MROH1: variants seen among roughly 807,000 people sequenced by gnomAD.
MROH1 encodes the protein maestro heat-like repeat-containing protein family member 1.
In MROH1, 117 loss-of-function variants were observed where a neutral mutation model predicts 116.5. The observed-to-expected ratio is 1.00, with a 90% confidence interval of 0.86 to 1.17. MROH1 has a LOEUF of 1.17. MROH1 is among the 50% of genes most tolerant of loss of function. The pLI, the probability that MROH1 is intolerant of heterozygous loss-of-function variation, is 0.00. For missense variants in MROH1, 1,873 were observed against 1,338.5 expected (o/e 1.40, Z -6.23); for synonymous variants, 921 against 583.9 (o/e 1.58, Z -8.32).
chr8:144,202,015 CT>C (rs1258927686), intron 12 of MROH1, among the ~76,000 whole-genome samples: 3 of 130,846 alleles, frequency 2.3e-5, no homozygotes, highest in Non-Finnish European at 4.7e-5. Flanking sequence ...GAGACTCCGT[CT>C]CCAAAAAAAA....
At chr8:144,204,693 A>T (rs1832448783) in intron 12 of MROH1, among the ~76,000 whole-genome samples, 1 of 152,190 alleles carries the variant, frequency 6.6e-6, no homozygotes, top group Non-Finnish European at 1.5e-5. Context: ...TTTCCTCAGT[A>T]TTCTCTTGGT....
chr8:144,157,964 A>G (rs1818565365), intron 1 of MROH1, among the ~76,000 whole-genome samples: 1 of 144,998 alleles, frequency 6.9e-6, no homozygotes, highest in Non-Finnish European at 1.5e-5. Flanking sequence ...GGCATGAGCC[A>G]CTGCGCCTGG....
intron 43 of MROH1, 81 bp downstream of exon 43, chr8:144,261,430 A>G (rs1554835837): frequency 2.9e-6 from 2 of 699,890 alleles, no homozygotes; most frequent in Non-Finnish European, 2.6e-6. Flanking sequence ...ATTTTCCTGG[A>G]TTTCAGGACT....
At chr8:144,211,084 G>A (rs1454488794) in intron 12 of MROH1, among the ~76,000 whole-genome samples, 1 of 152,116 alleles carries the variant, frequency 6.6e-6, no homozygotes, top group East Asian at 1.9e-4. Flanking sequence ...TTTATTCTGT[G>A]GATTTGCTCA....
At chr8:144,259,106 C>T (rs971300141) in intron 36 of MROH1, 134 bp from the exon 37 acceptor site, 7 of 683,042 alleles carry the variant, frequency 1.0e-5, no homozygotes, top group Non-Finnish European at 1.9e-5. Flanking sequence ...AGCTGGGAGG[C>T]ATCTCTGAAA....
In MROH1 at chr8:144,245,202, G is replaced by A. The variant is rs1035479529; in HGVS notation, c.2813G>A (p.Arg938Gln). ...IKSPRGHERARALGLSALLLR... is the reference protein window; with the variant it reads ...IKSPRGHERAQALGLSALLLR... ...TCCCCAAGAGGTCACGAGCGGGCGC[G>A]GGCCCTGGGCCTGAGCGCCCTCCTG... Residue 938 changes from arginine to glutamine, a missense_variant, in exon 29 of 44, where the codon CGG (arginine) becomes CAG (glutamine). Transcript: ENST00000326134. 27 of 779,084 alleles carry A rather than the reference G, an allele frequency of 3.5e-5. No individual in the cohort carries two copies. Among genetic ancestry groups the A allele is most frequent in the African/African-American group, 1.0e-4 (6 of 59,112 alleles). 48.3% of individuals were successfully genotyped at this position (779,084 alleles called of 1,614,324 possible).
chr8:144,171,061 T>C (rs1444853211), intron 4 of MROH1, among the ~76,000 whole-genome samples: 1 of 152,182 alleles, frequency 6.6e-6, no homozygotes, highest in Non-Finnish European at 1.5e-5. Context: ...AGCAGTCAGT[T>C]GTGCAGTGGA....
rs1826025807 is a variant in MROH1 at position 144,182,887 on chromosome 8, G to A, written c.562+2364G>A. Among the ~76,000 whole-genome samples the A allele has an allele frequency of 6.6e-6, 1 of 152,164 alleles. No homozygotes were observed. Among genetic ancestry groups the A allele is most frequent in the Admixed American group, 6.5e-5 (1 of 15,268 alleles). On this transcript the variant is annotated intron_variant, in intron 7 of 43. Transcript: ENST00000326134. This position sits in a 1 kb window ranked among gnomAD's most constrained non-coding sequence, Gnocchi z 4.1. ...AGGTCAGGAGTTCAAGACCAGTCTG[G>A]CCAACATGGCAAAACCCCGTCTCTA... is the stretch of plus-strand genomic sequence containing the variant.
chr8:144,242,333 G>A, intron 22 of MROH1, 36 bp from the exon 23 acceptor site: 1 of 780,546 alleles, frequency 1.3e-6, no homozygotes. Context: ...GTGTAATTGT[G>A]TAACTGAAGT....
Position 144,168,266 on chromosome 8 carries a change from A to G in MROH1, c.23-29A>G, listed in dbSNP as rs374504199. 189 of 1,562,006 alleles carry G rather than the reference A, an allele frequency of 1.2e-4. 1 individual carries two copies. The African/African-American group carries it at 1.8e-3, about 15-fold the overall frequency. On this transcript the variant is annotated intron_variant, in intron 3 of 43. Coordinates refer to ENST00000326134, the MANE Select transcript of MROH1 (RefSeq NM_032450.3). ...TGATAGGAGAGGGCGCTTGGGCCTG[A>G]GCATGCTAACCAGGCTTTGTCGCTG... is the stretch of plus-strand genomic sequence containing the variant.
Position 144,180,140 on chromosome 8 carries a change from C to A in MROH1, c.301-38C>A. Reference sequence around the variant, plus strand: ...GCGACTGAGGGCAGAATGTCTTGGTCTTGCCTTTTGGTCTACCTGCCGGTG... The same window carrying A: ...GCGACTGAGGGCAGAATGTCTTGGTATTGCCTTTTGGTCTACCTGCCGGTG... On this transcript the variant is annotated intron_variant, in intron 5 of 43. Coordinates refer to ENST00000326134, the MANE Select transcript of MROH1 (RefSeq NM_032450.3). This position sits in a 1 kb window ranked among gnomAD's most constrained non-coding sequence, Gnocchi z 7.4. The A allele has an allele frequency of 6.2e-7, 1 of 1,611,816 alleles. No individual in the cohort carries two copies. Among genetic ancestry groups the A allele is most frequent in the South Asian group, 1.1e-5 (1 of 90,908 alleles).
intron 24 of MROH1, among the ~76,000 whole-genome samples, chr8:144,243,242 T>TG (rs1332706867): frequency 6.6e-6 from 1 of 152,190 alleles, no homozygotes; most frequent in Non-Finnish European, 1.5e-5. Flanking sequence ...TCTCCTGCTG[T>TG]GGGGGGCCCT....
At chr8:144,226,461 CT>C (rs1263121045) in intron 14 of MROH1, among the ~76,000 whole-genome samples, 2 of 150,952 alleles carry the variant, frequency 1.3e-5, no homozygotes, top group Non-Finnish European at 2.9e-5. Context: ...TTACGTTGTT[CT>C]TTTTTTTTGA....
intron 12 of MROH1, chr8:144,200,789 G>A (rs923909152): frequency 1.4e-5 from 7 of 490,196 alleles, no homozygotes; most frequent in Non-Finnish European, 2.3e-5. Flanking sequence ...ACCATGCGTG[G>A]CCACACTCCC....
At chr8:144,203,986 T>C (rs1832277268) in intron 12 of MROH1, among the ~76,000 whole-genome samples, 5 of 152,244 alleles carry the variant, frequency 3.3e-5, no homozygotes, top group African/African-American at 1.2e-4. Context: ...TCTGTGCATT[T>C]ACGTATGTAC....
chr8:144,258,833 T>C lies in MROH1; in HGVS notation c.3848T>C (p.Val1283Ala). The C allele has an allele frequency of 1.3e-6, 1 of 769,546 alleles. No individual in the cohort carries two copies. Among genetic ancestry groups the C allele is most frequent in the Non-Finnish European group, 2.4e-6 (1 of 414,462 alleles). The allele number at this position is 769,546 out of a possible 1,614,324, so 47.7% of individuals were successfully genotyped here. The part of the protein sequence containing the change: ...MLLRSGSEDV[V>A]QRMDLEGGWE... Reference sequence around the variant, plus strand: ...CTCCGCAGCGGCAGCGAGGATGTGGTACAGCGCATGGACCTGGAGGGAGGC... The same window carrying C: ...CTCCGCAGCGGCAGCGAGGATGTGGCACAGCGCATGGACCTGGAGGGAGGC... The change falls in exon 36 of 44, where the codon GTA (valine) becomes GCA (alanine). Residue 1283 changes from valine (V) to alanine (A), a missense_variant. By Grantham distance (64) the Val-to-Ala change is moderately conservative (BLOSUM62 0). Transcript: ENST00000326134.
At chr8:144,179,170 G>T (rs187872324) in intron 4 of MROH1, among the ~76,000 whole-genome samples, 4 of 151,976 alleles carry the variant, frequency 2.6e-5, no homozygotes, top group Non-Finnish European at 5.9e-5. Context: ...CATGTGACTG[G>T]GAGACCCTAC....
intron 3 of MROH1, among the ~76,000 whole-genome samples, chr8:144,167,515 G>A (rs1263431056): frequency 2.0e-5 from 3 of 147,008 alleles, no homozygotes; most frequent in Non-Finnish European, 4.6e-5. Context: ...GGTTGTTGGG[G>A]TGGAGTGGCC....
chr8:144,223,768 C>T (rs1349187116), intron 14 of MROH1, among the ~76,000 whole-genome samples: 1 of 152,196 alleles, frequency 6.6e-6, no homozygotes, highest in Non-Finnish European at 1.5e-5. Context: ...CTGCTGAGCG[C>T]ATCGGTGCTT....
Sources: gnomAD v4.1 joint callset for allele counts (sites outside exome capture counted in the v4.1 genomes callset) on GRCh38, gnomAD v4.1.1 for gene constraint, Gnocchi (gnomAD v3.1) non-coding constraint, MANE v1.5 for transcripts, NCBI Gene and HGNC (gene_info 2026-07-23, HGNC 2026-07-21) for gene names.